Variants in REEP2 observed in about 807,000 individuals in gnomAD.
The protein encoded by REEP2 is receptor expression-enhancing protein 2.
REEP2 carries 9 observed loss-of-function variants against 32.1 expected under a neutral mutation model. That is an observed-to-expected ratio of 0.28 (90% confidence interval 0.17 to 0.49). REEP2 has a LOEUF of 0.49. REEP2 is among the 20% of genes least tolerant of loss of function. REEP2 has a pLI of 0.99. For missense variants in REEP2, 236 were observed against 338.0 expected (o/e 0.70, Z 2.37); for synonymous variants, 128 against 139.1 (o/e 0.92, Z 0.56).
intron 5 of REEP2, 71 bp from the exon 6 acceptor site, chr5:138,445,157 G>A (rs762277525): frequency 2.0e-4 from 303 of 1,491,714 alleles, no homozygotes; most frequent in Non-Finnish European, 2.6e-4. Context: ...GCTGCTGCCA[G>A]CACCATGGTG....
chr5:138,439,125 T>TGCCGCCGCC lies in REEP2; in HGVS notation c.-75_-67dup, dbSNP rs1003310174. The TGCCGCCGCC allele has an allele frequency of 2.4e-5, 21 of 859,572 alleles. No individual in the cohort carries two copies. The African/African-American group carries it at 3.1e-4, about 12-fold the overall frequency. The allele number at this position is 859,572 out of a possible 1,614,324, so 53.2% of individuals were successfully genotyped here. The stretch of plus-strand genomic sequence containing the variant: ...CTGCTGCTGCTACTGCGGCTCCTGC[T>TGCCGCCGCC]GCCGCCGCCGCCGCCGCTCGGCCTC... On this transcript the variant is annotated 5_prime_UTR_variant, in exon 1 of 8. Transcript: ENST00000378339.
chr5:138,439,143 T>G lies in REEP2; in HGVS notation c.-66T>G. 9.1e-7 allele frequency: 1 copy of G among 1,102,416 alleles called. No homozygotes were observed. Among genetic ancestry groups the G allele is most frequent in the Non-Finnish European group, 1.1e-6 (1 of 874,654 alleles). 68.3% of individuals were successfully genotyped at this position (1,102,416 alleles called of 1,614,324 possible). ...CTCCTGCTGCCGCCGCCGCCGCCGC[T>G]CGGCCTCAGGCAGCTGCATCCTCGG... On this transcript the variant is annotated 5_prime_UTR_variant, in exon 1 of 8. Coordinates refer to ENST00000378339, the MANE Select transcript of REEP2 (RefSeq NM_001271803.2).
At position 138,446,074 on chromosome 5, in the gene REEP2, C is replaced by T. The variant is rs1360830147; in HGVS notation, c.*323C>T. 3.6e-5 allele frequency: 13 copies of T among 356,484 alleles called. No homozygotes were observed. The East Asian group carries it at 6.0e-4, about 16-fold the overall frequency. 22.1% of individuals were successfully genotyped at this position (356,484 alleles called of 1,614,324 possible). On this transcript the variant is annotated 3_prime_UTR_variant, in exon 8 of 8. Transcript: ENST00000378339. ...CCACCCACCCAGTGCCTTGCTGAAG[C>T]CCATAGCAATCCGCTTCTCAGAGGT... is the stretch of plus-strand genomic sequence containing the variant.
At chr5:138,443,008 G>A (rs1019183585) in intron 3 of REEP2, among the ~76,000 whole-genome samples, 7 of 149,492 alleles carry the variant, frequency 4.7e-5, no homozygotes, top group Non-Finnish European at 1.0e-4. Context: ...CCTGGCAACA[G>A]AGCAAGACTC....
chr5:138,440,745 G>A (rs534081881), intron 1 of REEP2, among the ~76,000 whole-genome samples: 14 of 152,320 alleles, frequency 9.2e-5, no homozygotes, highest in African/African-American at 2.9e-4. Context: ...GGATCATGGC[G>A]CAAGGGACTA....
intron 5 of REEP2, 131 bp from the exon 6 acceptor site, chr5:138,445,097 G>A (rs531796810): frequency 1.9e-6 from 2 of 1,077,464 alleles, no homozygotes; most frequent in South Asian, 3.1e-5. Flanking sequence ...CCTCAGCTCT[G>A]TCTGTGTGGG....
At chr5:138,444,939 A>C in intron 5 of REEP2, 72 bp downstream of exon 5, 2 of 1,152,078 alleles carry the variant, frequency 1.7e-6, no homozygotes, top group South Asian at 2.9e-5. Flanking sequence ...GCCCCTTTGC[A>C]TCCACCCTGT....
Position 138,445,255 on chromosome 5 carries a change from C to T in REEP2, c.445C>T (p.Arg149Cys), listed in dbSNP as rs754985661. The T allele has an allele frequency of 1.9e-6, 3 of 1,612,122 alleles. No individual in the cohort carries two copies. Among genetic ancestry groups the T allele is most frequent in the Non-Finnish European group, 1.7e-6 (2 of 1,179,212 alleles). ...CCAGGGGGTGCTGTCAGAGAAGCTC[C>T]GCAGCTTCAGCATGCAGGACCTGAC... ...KGQGVLSEKL[R>C]SFSMQDLTLI... Residue 149 changes from arginine to cysteine, a missense_variant, in exon 6 of 8, where the codon CGC becomes TGC. Coordinates refer to ENST00000378339, the MANE Select transcript of REEP2 (RefSeq NM_001271803.2).
chr5:138,439,259 G>T lies in REEP2; in HGVS notation c.32+19G>T. On this transcript the variant is annotated intron_variant, in intron 1 of 7. Coordinates refer to ENST00000378339, the MANE Select transcript of REEP2 (RefSeq NM_001271803.2). ...TGGTGGTGTGAGTGCGGCGGCGGCG[G>T]GGGGTGATGCGGGCTGTGATGGAGG... The T allele has an allele frequency of 7.0e-7, 1 of 1,422,136 alleles. No homozygotes were observed. The highest frequency in any genetic ancestry group is 9.2e-7 in the Non-Finnish European group (1 of 1,088,986). 88.1% of individuals were successfully genotyped at this position (1,422,136 alleles called of 1,614,324 possible).
Position 138,445,835 on chromosome 5 carries a change from G to A in REEP2, c.*84G>A. Reference sequence around the variant, plus strand: ...CCAGCCCCTGCTCCACACTGTGCCAGTAGCCTAGGTGTCTCAGGCCCCTGG... The same window carrying A: ...CCAGCCCCTGCTCCACACTGTGCCAATAGCCTAGGTGTCTCAGGCCCCTGG... On this transcript the variant is annotated 3_prime_UTR_variant, in exon 8 of 8. Transcript: ENST00000378339. 2 of 1,352,114 alleles carry A rather than the reference G, an allele frequency of 1.5e-6. No homozygotes were observed. The highest frequency in any genetic ancestry group is 2.0e-6 in the Non-Finnish European group (2 of 984,742). 83.8% of individuals were successfully genotyped at this position (1,352,114 alleles called of 1,614,324 possible).
In REEP2 at chr5:138,441,725, G is replaced by A. The variant is rs981912524; in HGVS notation, c.182+264G>A. On this transcript the variant is annotated intron_variant, in intron 3 of 7. Transcript: ENST00000378339. This position sits in a 1 kb window ranked among gnomAD's most constrained non-coding sequence, Gnocchi z 4.4. Reference sequence around the variant, plus strand: ...GGATCATTTGAGGTCAGGAGTTTGAGACCAGCCTGGCCAACATGGTGAAAC... The same window carrying A: ...GGATCATTTGAGGTCAGGAGTTTGAAACCAGCCTGGCCAACATGGTGAAAC... Among the ~76,000 whole-genome samples the A allele has an allele frequency of 6.6e-6, 1 of 151,980 alleles. No homozygotes were observed. The highest frequency in any genetic ancestry group is 1.5e-5 in the Non-Finnish European group (1 of 68,006).
intron 3 of REEP2, among the ~76,000 whole-genome samples, chr5:138,443,061 T>A (rs543335453): frequency 1.3e-5 from 2 of 150,590 alleles, no homozygotes; most frequent in East Asian, 3.9e-4. Context: ...CCGGGCATGG[T>A]GGCTCCTGCT....
rs1415038615 is a variant in REEP2, at chr5:138,446,077, A to G, written c.*326A>G. ...CCCACCCAGTGCCTTGCTGAAGCCC[A>G]TAGCAATCCGCTTCTCAGAGGTCCT... On this transcript the variant is annotated 3_prime_UTR_variant, in exon 8 of 8. Transcript: ENST00000378339. 1 of 328,376 alleles carries G rather than the reference A, an allele frequency of 3.0e-6. No homozygotes were observed. The highest frequency in any genetic ancestry group is 5.5e-6 in the Non-Finnish European group (1 of 181,594). 20.3% of individuals were successfully genotyped at this position (328,376 alleles called of 1,614,324 possible).
Position 138,446,003 on chromosome 5 carries a change from G to A in REEP2, c.*252G>A, listed in dbSNP as rs1306335341. ...AGGACTGAGCCACCCAAGGAGGTGG[G>A]GACTGCTCGGCCTCCACCGCTGTTC... On this transcript the variant is annotated 3_prime_UTR_variant, in exon 8 of 8. Coordinates refer to ENST00000378339, the MANE Select transcript of REEP2 (RefSeq NM_001271803.2). The A allele has an allele frequency of 2.3e-5, 12 of 526,458 alleles. No individual in the cohort carries two copies. Among genetic ancestry groups the A allele is most frequent in the Non-Finnish European group, 3.7e-5 (11 of 297,132 alleles). 32.6% of individuals were successfully genotyped at this position (526,458 alleles called of 1,614,324 possible).
In REEP2 at chr5:138,446,046, G is replaced by A. The variant is rs1763926345; in HGVS notation, c.*295G>A. 1 of 435,882 alleles carries A rather than the reference G, an allele frequency of 2.3e-6. No individual in the cohort carries two copies. The highest frequency in any genetic ancestry group is 4.1e-6 in the Non-Finnish European group (1 of 244,114). 27.0% of individuals were successfully genotyped at this position (435,882 alleles called of 1,614,324 possible). ...CGCTGTTCCGCTGCAGCCCCGCCCT[G>A]CCCCACCCACCCAGTGCCTTGCTGA... On this transcript the variant is annotated 3_prime_UTR_variant, in exon 8 of 8. Coordinates refer to ENST00000378339, the MANE Select transcript of REEP2 (RefSeq NM_001271803.2).
At chr5:138,444,194 A>C in intron 3 of REEP2, 1 of 489,608 alleles carries the variant, frequency 2.0e-6, no homozygotes, top group East Asian at 3.4e-5. Context: ...CTGCTGGGGG[A>C]AATTCCTTCT....
At position 138,446,022 on chromosome 5, in the gene REEP2, G is replaced by C. The variant is rs866647967; in HGVS notation, c.*271G>C. 76 of 484,734 alleles carry C rather than the reference G, an allele frequency of 1.6e-4. No individual in the cohort carries two copies. The Middle Eastern group carries it at 3.8e-3, about 24-fold the overall frequency. The allele number at this position is 484,734 out of a possible 1,614,324, so 30.0% of individuals were successfully genotyped here. A position where few individuals can be genotyped will look rare whatever the true frequency, so the allele number is the denominator to read the frequency against. On this transcript the variant is annotated 3_prime_UTR_variant, in exon 8 of 8. Coordinates refer to ENST00000378339, the MANE Select transcript of REEP2 (RefSeq NM_001271803.2). ...AGGTGGGGACTGCTCGGCCTCCACC[G>C]CTGTTCCGCTGCAGCCCCGCCCTGC...
rs756054623 is a variant in REEP2, at chr5:138,444,747, C to T, written c.304-7C>T. On this transcript the variant is annotated splice_region_variant and splice_polypyrimidine_tract_variant and intron_variant, in intron 4 of 7. Coordinates refer to ENST00000378339, the MANE Select transcript of REEP2 (RefSeq NM_001271803.2). ...CTCCTCTTCTCCCTTCCCCTCCAAT[C>T]CCATAGGAGATCGACGAGTACATCA... 4 of 1,611,444 alleles carry T rather than the reference C, an allele frequency of 2.5e-6. No individual in the cohort carries two copies. The highest frequency in any genetic ancestry group is 3.3e-5 in the Admixed American group (2 of 59,926).
chr5:138,445,479 G>A lies in REEP2; in HGVS notation c.577G>A (p.Ala193Thr). 6.2e-7 allele frequency: 1 copy of A among 1,614,148 alleles called. No individual in the cohort carries two copies. Among genetic ancestry groups the A allele is most frequent in the Non-Finnish European group, 8.5e-7 (1 of 1,180,022 alleles). The change falls in exon 7 of 8, where the codon GCC becomes ACC. Residue 193 changes from alanine to threonine, a missense_variant. Coordinates refer to ENST00000378339, the MANE Select transcript of REEP2 (RefSeq NM_001271803.2). ...DTIEDLGDDP[A>T]LSLRSSTNPA... is the part of the protein sequence containing the mutation. The stretch of plus-strand genomic sequence containing the variant: ...CTCCCTGCACCCAGGAGATGACCCT[G>A]CCCTGAGTCTAAGGTCCAGCACAAA...
Sources: allele counts gnomAD v4.1 joint callset (sites outside exome capture counted in the v4.1 genomes callset), GRCh38; gene constraint gnomAD v4.1.1; non-coding constraint Gnocchi (gnomAD v3.1); transcripts MANE v1.5; gene names NCBI Gene and HGNC (gene_info 2026-07-23, HGNC 2026-07-21).